The following RERE variants were observed in gnomAD, a reference collection of about 807,000 sequenced individuals.
RERE encodes the protein arginine-glutamic acid dipeptide repeats protein.
Under a neutral mutation model 146.1 loss-of-function variants are expected in RERE, and 40 were observed. The ratio of observed to expected loss-of-function variants is 0.27; its 90% CI spans 0.21 to 0.36. The LOEUF is 0.36. Ranked by LOEUF, RERE falls within the 10% of genes least tolerant of loss-of-function variation. The pLI, the probability that RERE is intolerant of heterozygous loss-of-function variation, is 1.00. For missense variants in RERE, 1,933 were observed against 2,138.7 expected, an observed-to-expected ratio of 0.90 and a Z score of 1.90; for synonymous variants, 1,003 against 866.0, an observed-to-expected ratio of 1.16 and a Z score of -2.78.
chr1:8,501,054 C>G (rs1390080609), intron 8 of RERE, among the ~76,000 whole-genome samples: 132 of 141,126 alleles, frequency 9.4e-4, no homozygotes, highest in African/African-American at 3.3e-3. Context: ...GTCAGCCCCC[C>G]GCCCGGCCAG....
chr1:8,488,337 C>G (rs1387614160), intron 10 of RERE, among the ~76,000 whole-genome samples: 1 of 152,060 alleles, frequency 6.6e-6, no homozygotes, highest in Non-Finnish European at 1.5e-5. Context: ...CCTCCGCCTC[C>G]CGGGTTCAAG....
At chr1:8,552,410 T>G (rs1378531092) in intron 6 of RERE, among the ~76,000 whole-genome samples, 1 of 152,192 alleles carries the variant, frequency 6.6e-6, no homozygotes, top group Admixed American at 6.5e-5. Context: ...ATGATCAGTC[T>G]TTTTCTTTTT....
chr1:8,806,399 T>C (rs972789633), intron 1 of RERE, among the ~76,000 whole-genome samples: 3 of 151,896 alleles, frequency 2.0e-5, no homozygotes, highest in African/African-American at 7.3e-5. Context: ...GGTGTGGTGG[T>C]GATCGCCTGT....
intron 1 of RERE, among the ~76,000 whole-genome samples, chr1:8,706,384 C>G (rs1158124415): frequency 6.6e-6 from 1 of 152,152 alleles, no homozygotes; most frequent in African/African-American, 2.4e-5. Flanking sequence ...CTCAAAAACA[C>G]AGAGATCCTA....
intron 1 of RERE, among the ~76,000 whole-genome samples, chr1:8,695,459 T>C (rs1387352181): frequency 1.3e-5 from 2 of 151,600 alleles, no homozygotes; most frequent in Non-Finnish European, 2.9e-5. Flanking sequence ...AAAGAAACTA[T>C]CAACAAAGGG....
At chr1:8,691,928 T>C (rs1212480022) in intron 1 of RERE, among the ~76,000 whole-genome samples, 1 of 152,228 alleles carries the variant, frequency 6.6e-6, no homozygotes, top group Non-Finnish European at 1.5e-5. Context: ...CCCCTGAATA[T>C]GCACTGCTGC....
Position 8,358,384 on chromosome 1 carries a change from G to T in RERE, c.4151C>A (p.Pro1384His), listed in dbSNP as rs771686980. 6.2e-7 allele frequency: 1 copy of T among 1,607,852 alleles called. No individual in the cohort carries two copies. Among genetic ancestry groups the T allele is most frequent in the Non-Finnish European group, 8.5e-7 (1 of 1,176,196 alleles). ...LERERLALAG[P>H]QLRPEMSYPD... ...GTAGCTCATCTCGGGCCGCAGCTGG[G>T]GGCCCGCCAGGGCCAGTCTCTCCCT... The change falls in exon 20 of 23, where the codon CCC (proline) becomes CAC (histidine). Residue 1384 changes from proline (P) to histidine (H), a missense_variant. Transcript: ENST00000400908.
At chr1:8,771,728 G>T (rs893011925) in intron 1 of RERE, among the ~76,000 whole-genome samples, 5 of 151,786 alleles carry the variant, frequency 3.3e-5, no homozygotes, top group Non-Finnish European at 7.4e-5. Context: ...GGCTAACAAG[G>T]TGAAGCCCCG....
intron 4 of RERE, among the ~76,000 whole-genome samples, chr1:8,599,589 T>A (rs1266522567): frequency 2.0e-5 from 3 of 152,188 alleles, no homozygotes; most frequent in African/African-American, 7.2e-5. Flanking sequence ...GAGAATTATC[T>A]AAAGGGATTC....
intron 2 of RERE, among the ~76,000 whole-genome samples, chr1:8,648,055 G>A (rs1031750761): frequency 7.2e-5 from 11 of 152,214 alleles, no homozygotes; most frequent in East Asian, 1.9e-4. Context: ...ACCATAAAAC[G>A]TAACATGGCC....
chr1:8,572,963 A>G (rs1646240336), intron 4 of RERE, among the ~76,000 whole-genome samples: 1 of 152,156 alleles, frequency 6.6e-6, no homozygotes, highest in Non-Finnish European at 1.5e-5. Flanking sequence ...GTGACCTGAT[A>G]TGTCATATAC....
At chr1:8,609,953 G>A (rs567558148) in intron 4 of RERE, among the ~76,000 whole-genome samples, 2 of 152,102 alleles carry the variant, frequency 1.3e-5, no homozygotes, top group African/African-American at 4.8e-5. Flanking sequence ...TTTTTTCGCA[G>A]AGATGGGATT....
rs528555119 is a variant in RERE, at chr1:8,503,100, AAAT to A, written c.879+5524_879+5526del. On this transcript the variant is annotated intron_variant, in intron 8 of 22. Coordinates refer to ENST00000400908, the MANE Select transcript of RERE (RefSeq NM_001042681.2). ...AATGATCAATTAAAAATAAATAAAT[AAAT>A]AAATAAATAAATAAATAAATAAATA... 5.1e-3 allele frequency among the ~76,000 whole-genome samples: 732 copies of A among 143,756 alleles called. 6 individuals are homozygous for A. The highest frequency in any genetic ancestry group is 0.018 in the African/African-American group (702 of 38,074). The allele number at this position is 143,756 out of a possible 152,430, so 94.3% of individuals were successfully genotyped here.
chr1:8,439,503 A>G (rs1257004749), intron 11 of RERE, among the ~76,000 whole-genome samples: 2 of 152,206 alleles, frequency 1.3e-5, no homozygotes, highest in African/African-American at 4.8e-5. Context: ...AAACAAACCA[A>G]TCAATAACTA....
intron 2 of RERE, among the ~76,000 whole-genome samples, chr1:8,650,416 T>C (rs965466964): frequency 6.6e-6 from 1 of 152,214 alleles, no homozygotes; most frequent in Admixed American, 6.5e-5. Context: ...AAGCAATAAA[T>C]ATTTGAAAAA....
At chr1:8,814,864 T>C (rs1449284715) in intron 1 of RERE, among the ~76,000 whole-genome samples, 2 of 152,200 alleles carry the variant, frequency 1.3e-5, no homozygotes, top group East Asian at 1.9e-4. Context: ...TAAATACTTC[T>C]GGTAACAGAA....
chr1:8,778,539 G>T (rs2124557374), intron 1 of RERE, among the ~76,000 whole-genome samples: 1 of 152,322 alleles, frequency 6.6e-6, no homozygotes. Context: ...TCATTCTGAT[G>T]TTCAGAAATA....
At chr1:8,724,795 C>T (rs1639926762) in intron 1 of RERE, among the ~76,000 whole-genome samples, 1 of 149,646 alleles carries the variant, frequency 6.7e-6, no homozygotes, top group Non-Finnish European at 1.5e-5. Context: ...CACCACTGCA[C>T]TCCAGCCTGG....
chr1:8,704,979 G>A lies in RERE; in HGVS notation c.-144-48538C>T, dbSNP rs1218565943. On this transcript the variant is annotated intron_variant, in intron 1 of 22. Transcript: ENST00000400908. ...ATCTGCTTCATATCCAAGTGGCTAT[G>A]AGATTACTCCATATATGTCAGAGAT... Among the ~76,000 whole-genome samples the A allele has an allele frequency of 2.0e-5, 3 of 152,202 alleles. No homozygotes were observed. In the East Asian group the frequency reaches 5.8e-4, roughly 29 times the overall value.
Sources: gnomAD v4.1 joint callset for allele counts (sites outside exome capture counted in the v4.1 genomes callset) on GRCh38, gnomAD v4.1.1 for gene constraint, MANE v1.5 for transcripts, NCBI Gene and HGNC (gene_info 2026-07-23, HGNC 2026-07-21) for gene names.